Variants in BSN observed in about 807,000 individuals in gnomAD.
BSN encodes the protein bassoon presynaptic cytomatrix protein.
Under a neutral mutation model 264.8 loss-of-function variants are expected in BSN, and 57 were observed. That is an observed-to-expected ratio of 0.22 (90% CI 0.17 to 0.27). BSN has a LOEUF of 0.27. Among genes scored for constraint, BSN ranks in the 10% least tolerant of loss-of-function variants. The pLI, the probability that BSN is intolerant of heterozygous loss-of-function variation, is 1.00. For synonymous variants in BSN, 2,059 were observed against 2,137.3 expected, an observed-to-expected ratio of 0.96 and a Z score of 1.01; for missense variants, 4,615 against 5,232.5, an observed-to-expected ratio of 0.88 and a Z score of 3.64.
intron 1 of BSN, among the ~76,000 whole-genome samples, chr3:49,559,109 T>C (rs2051695202): frequency 6.6e-6 from 1 of 152,084 alleles, no homozygotes; most frequent in Admixed American, 6.5e-5. Flanking sequence ...GTATTTTTAG[T>C]AGAGACGGGG....
chr3:49,615,855 A>G (rs1475218928), intron 1 of BSN, among the ~76,000 whole-genome samples: 9 of 152,200 alleles, frequency 5.9e-5, no homozygotes, highest in Non-Finnish European at 1.3e-4. Context: ...TGGGAAACCA[A>G]CAGAGACTAT....
At chr3:49,611,245 C>G (rs1200562210) in intron 1 of BSN, among the ~76,000 whole-genome samples, 1 of 152,186 alleles carries the variant, frequency 6.6e-6, no homozygotes, top group Non-Finnish European at 1.5e-5. Context: ...ACAGCATTGT[C>G]CCCTTGGTAA....
At chr3:49,639,524 G>T (rs1309457982) in intron 2 of BSN, among the ~76,000 whole-genome samples, 1 of 152,188 alleles carries the variant, frequency 6.6e-6, no homozygotes, top group East Asian at 1.9e-4. Context: ...AAGCATTTGG[G>T]TGGGTTAATT....
chr3:49,600,061 CA>C (rs1340229788), intron 1 of BSN, among the ~76,000 whole-genome samples: 1 of 152,192 alleles, frequency 6.6e-6, no homozygotes. Context: ...GGGAGGCAAG[CA>C]AGCAGCTCAT....
rs948724840 is a variant in BSN at position 49,578,666 on chromosome 3, A to G, written c.224+23840A>G. Among the ~76,000 whole-genome samples, 13 of 152,134 alleles carry G rather than the reference A, an allele frequency of 8.5e-5. No individual in the cohort carries two copies. The East Asian group carries it at 2.1e-3, about 25-fold the overall frequency. ...CGTGATCCACCCGTGTCGGCCTCCTAAAGTGCTGGGATTACAGGTGTGAAC... is the reference window on the plus strand; with the variant it reads ...CGTGATCCACCCGTGTCGGCCTCCTGAAGTGCTGGGATTACAGGTGTGAAC... On this transcript the variant is annotated intron_variant, in intron 1 of 11. Transcript: ENST00000296452.
rs1651111526 is a variant in BSN, at chr3:49,658,120, C to T, written c.8564C>T (p.Pro2855Leu). 3 of 1,611,102 alleles carry T rather than the reference C, an allele frequency of 1.9e-6. No homozygotes were observed. Among genetic ancestry groups the T allele is most frequent in the East Asian group, 4.5e-5 (2 of 44,824 alleles). ...CAGCGGTCCCTGTCTGACCCTAAGC[C>T]CCTCAGCCCCACCGCCGAAGAGTCT... Reference protein sequence around the residue: ...TLQRSLSDPKPLSPTAEESAK... With the variant: ...TLQRSLSDPKLLSPTAEESAK... The change falls in exon 5 of 12, where the codon CCC becomes CTC. Residue 2855 changes from proline to leucine, a missense_variant. Coordinates refer to ENST00000296452, the MANE Select transcript of BSN (RefSeq NM_003458.4).
chr3:49,568,292 G>A (rs1170935848), intron 1 of BSN, among the ~76,000 whole-genome samples: 1 of 152,144 alleles, frequency 6.6e-6, no homozygotes, highest in Non-Finnish European at 1.5e-5. Flanking sequence ...AACAGAAATC[G>A]ATGGAAAGTA....
Position 49,657,275 on chromosome 3 carries a change from G to A in BSN, c.7719G>A (p.Glu2573=). ...RDACELESGT[E]PCVVRRIADS... ...CCTGTGAGCTAGAGTCTGGGACTGAGCCCTGTGTGGTCAGGAGGATTGCCG... is the reference window on the plus strand; with the variant it reads ...CCTGTGAGCTAGAGTCTGGGACTGAACCCTGTGTGGTCAGGAGGATTGCCG... The change falls in exon 5 of 12, where the codon GAG becomes GAA. Residue 2573 remains glutamate, a synonymous_variant. Transcript: ENST00000296452. 6.2e-7 allele frequency: 1 copy of A among 1,613,450 alleles called. No individual in the cohort carries two copies. Among genetic ancestry groups the A allele is most frequent in the Non-Finnish European group, 8.5e-7 (1 of 1,179,942 alleles).
intron 1 of BSN, among the ~76,000 whole-genome samples, chr3:49,567,747 A>C (rs548026443): frequency 3.9e-5 from 6 of 152,378 alleles, no homozygotes; most frequent in Admixed American, 2.0e-4. Context: ...GAAAACAGCC[A>C]CTATTCTGGT....
chr3:49,554,803 C>T lies in BSN; in HGVS notation c.201C>T (p.Pro67=). The change falls in exon 1 of 12, where the codon CCC becomes CCT. Residue 67 remains proline (P), a synonymous_variant. Transcript: ENST00000296452. ...CGGTCCCTGGCCCCGGCCCCGGCCC[C>T]GGTCCCGGCCCTGGCCCGGGCAGGT... ...VPPVPGPGPG[P]GPGPGPGSTS... is the part of the protein sequence containing the mutation. 1 of 1,223,136 alleles carries T rather than the reference C, an allele frequency of 8.2e-7. No individual in the cohort carries two copies. The highest frequency in any genetic ancestry group is 1.0e-6 in the Non-Finnish European group (1 of 982,634). 75.8% of individuals were successfully genotyped at this position (1,223,136 alleles called of 1,614,324 possible). A position where few individuals can be genotyped will look rare whatever the true frequency, so the allele number is the denominator to read the frequency against.
At chr3:49,665,647 T>C (rs190054777) in intron 11 of BSN, among the ~76,000 whole-genome samples, 1 of 152,374 alleles carries the variant, frequency 6.6e-6, no homozygotes, top group East Asian at 1.9e-4. Context: ...GGAACATGCT[T>C]CTTCCCTGAT....
At chr3:49,590,212 G>A (rs2051968091) in intron 1 of BSN, among the ~76,000 whole-genome samples, 1 of 152,022 alleles carries the variant, frequency 6.6e-6, no homozygotes, top group African/African-American at 2.4e-5. Flanking sequence ...CATTACAGCT[G>A]TCTGTGGTTG....
Position 49,657,659 on chromosome 3 carries a change from C to G in BSN, c.8103C>G (p.Val2701=), listed in dbSNP as rs1483228648. The part of the protein sequence containing the change: ...TAATDPKVEI[V]RYISAPEKTG... ...CCACCGATCCCAAGGTGGAGATCGTCAGGTACATATCGGCGCCAGAGAAGA... is the reference window on the plus strand; with the variant it reads ...CCACCGATCCCAAGGTGGAGATCGTGAGGTACATATCGGCGCCAGAGAAGA... The change falls in exon 5 of 12, where the codon GTC becomes GTG. Residue 2701 remains valine, a synonymous_variant. Coordinates refer to ENST00000296452, the MANE Select transcript of BSN (RefSeq NM_003458.4). 1 of 1,586,228 alleles carries G rather than the reference C, an allele frequency of 6.3e-7. No homozygotes were observed.
In BSN at chr3:49,661,905, T is replaced by G. The variant is rs765590996; in HGVS notation, c.10060T>G (p.Ser3354Ala). 18 of 1,613,730 alleles carry G rather than the reference T, an allele frequency of 1.1e-5. No homozygotes were observed. Among genetic ancestry groups the G allele is most frequent in the Non-Finnish European group, 1.4e-5 (17 of 1,180,012 alleles). ...PSKSLAPAAI[S>A]SKRSKHRKQG... ...CAAGAGCCTGGCTCCAGCTGCCATC[T>G]CCTCAAAGCGCAGCAAGCACCGGAA... is the stretch of plus-strand genomic sequence containing the variant. The change falls in exon 6 of 12, where the codon TCC becomes GCC. Residue 3354 changes from serine (S) to alanine (A), a missense_variant. Around this residue, in one of 3 missense-constraint regions of BSN, gnomAD observed 3,415 missense variants for 3,866.4 expected, o/e 0.88. Transcript: ENST00000296452.
intron 1 of BSN, among the ~76,000 whole-genome samples, chr3:49,576,116 G>A (rs1038872898): frequency 6.6e-6 from 1 of 152,146 alleles, no homozygotes; most frequent in Non-Finnish European, 1.5e-5. Flanking sequence ...AACCGCTGGT[G>A]CCTTTTGGGG....
At chr3:49,673,046 A>T (rs13093385), downstream of BSN, among the ~76,000 whole-genome samples, 38,105 of 128,286 alleles carry the variant, frequency 0.3, 5,893 homozygotes, top group Middle Eastern at 0.38. Flanking sequence ...TCCAAAGTGC[A>T]GGGATTACAG....
intron 1 of BSN, among the ~76,000 whole-genome samples, chr3:49,613,481 T>A (rs1312322471): frequency 6.6e-6 from 1 of 151,066 alleles, no homozygotes; most frequent in Non-Finnish European, 1.5e-5. Flanking sequence ...TGTTCAAGTT[T>A]TTATTATTAT....
At chr3:49,591,246 T>C (rs987247419) in intron 1 of BSN, among the ~76,000 whole-genome samples, 1 of 152,214 alleles carries the variant, frequency 6.6e-6, no homozygotes, top group Non-Finnish European at 1.5e-5. Flanking sequence ...TGTGCTCTTT[T>C]TGTCAAACAT....
At chr3:49,639,026 G>A (rs1188925891) in intron 2 of BSN, among the ~76,000 whole-genome samples, 7 of 152,108 alleles carry the variant, frequency 4.6e-5, no homozygotes, top group Non-Finnish European at 1.0e-4. Flanking sequence ...CTCTGGATGA[G>A]TAGAAATGGC....
Sources: allele counts gnomAD v4.1 joint callset (sites outside exome capture counted in the v4.1 genomes callset), GRCh38; gene constraint gnomAD v4.1.1; regional missense constraint gnomAD v4.1.1; transcripts MANE v1.5; gene names NCBI Gene and HGNC (gene_info 2026-07-23, HGNC 2026-07-21).